The following RYR2 variants were observed in gnomAD, a reference collection of about 807,000 sequenced individuals.
RYR2 encodes the protein cardiac muscle ryanodine receptor-calcium release channel.
In RYR2, 227 loss-of-function variants were observed where a neutral mutation model predicts 601.1. The ratio of observed to expected loss-of-function variants is 0.38; its 90% confidence interval spans 0.34 to 0.42. The LOEUF is 0.42. Ranked by LOEUF, RYR2 falls within the 10% of genes least tolerant of loss-of-function variation. RYR2 has a pLI of 1.00. For synonymous variants in RYR2, 2,223 were observed against 2,175.1 expected (o/e 1.02, Z -0.61); for missense variants, 4,646 against 6,156.5 (o/e 0.75, Z 8.21).
intron 17 of RYR2, among the ~76,000 whole-genome samples, chr1:237,472,693 A>G (rs956534291): frequency 2.0e-5 from 3 of 151,960 alleles, no homozygotes; most frequent in African/African-American, 7.2e-5. Context: ...TAAAAAAAAA[A>G]AAGTGAAGAT....
At chr1:237,396,601 A>G (rs1271696781) in intron 10 of RYR2, among the ~76,000 whole-genome samples, 2 of 152,186 alleles carry the variant, frequency 1.3e-5, no homozygotes, top group African/African-American at 4.8e-5. Context: ...CTTGGCAGAA[A>G]GCTCAAGTTT....
chr1:237,158,560 T>C (rs1006307687), intron 1 of RYR2, among the ~76,000 whole-genome samples: 3 of 152,244 alleles, frequency 2.0e-5, no homozygotes, highest in Admixed American at 2.0e-4. Context: ...TTTTCTCTCC[T>C]GTTTTCTTCT....
chr1:237,348,290 G>A (rs185101197), intron 3 of RYR2, among the ~76,000 whole-genome samples: 86 of 152,242 alleles, frequency 5.6e-4, no homozygotes, highest in African/African-American at 1.9e-3. Context: ...TCTGTTATTA[G>A]CCTTTGGGAA....
chr1:237,763,921 C>T (rs1363494361), intron 84 of RYR2, among the ~76,000 whole-genome samples: 1 of 152,184 alleles, frequency 6.6e-6, no homozygotes, highest in Admixed American at 6.5e-5. Context: ...AAAAATCAAT[C>T]ATCCCTCTTG....
chr1:237,042,648 AGCGGGCAGCGGGGACTCGCGG>A (rs1486413942), intron 1 of RYR2, 79 bp downstream of exon 1: 2 of 1,218,512 alleles, frequency 1.6e-6, no homozygotes, highest in African/African-American at 3.1e-5. Flanking sequence ...GCAGAGTGAC[AGCGGGCAGCGGGGACTCGCGG>A]GCGGGGCGAG....
intron 3 of RYR2, among the ~76,000 whole-genome samples, 169 bp from the exon 4 acceptor site, chr1:237,355,796 G>C (rs955254623): frequency 1.3e-5 from 2 of 152,088 alleles, no homozygotes; most frequent in South Asian, 4.1e-4. Context: ...TGTTTGGTGA[G>C]ATTAAATGTT....
intron 2 of RYR2, among the ~76,000 whole-genome samples, chr1:237,297,507 C>T (rs1434038734): frequency 1.3e-5 from 2 of 152,074 alleles, no homozygotes; most frequent in Non-Finnish European, 2.9e-5. Flanking sequence ...AACTCAGGAA[C>T]AATAGCTATT....
intron 54 of RYR2, among the ~76,000 whole-genome samples, chr1:237,659,042 A>G (rs1473334490): frequency 2.0e-5 from 3 of 152,212 alleles, no homozygotes; most frequent in African/African-American, 7.2e-5. Flanking sequence ...GAGATAGTTC[A>G]AGAACTAAAA....
chr1:237,337,676 A>G (rs995840515), intron 3 of RYR2, among the ~76,000 whole-genome samples: 1 of 152,226 alleles, frequency 6.6e-6, no homozygotes, highest in Non-Finnish European at 1.5e-5. Context: ...GTATGCTGTC[A>G]TCATTGTGAT....
At chr1:237,785,908 C>G in intron 90 of RYR2, 61 bp from the exon 91 acceptor site, 1 of 1,172,540 alleles carries the variant, frequency 8.5e-7, no homozygotes, top group Admixed American at 1.9e-5. Context: ...ACATGGCTCC[C>G]TCAATTCATT....
intron 1 of RYR2, among the ~76,000 whole-genome samples, chr1:237,173,253 G>A (rs1677627352): frequency 6.6e-6 from 1 of 152,066 alleles, no homozygotes; most frequent in Admixed American, 6.6e-5. Flanking sequence ...CAAGAACCCA[G>A]TAGTTGTGTG....
At chr1:237,788,170 T>C (rs139871910) in intron 92 of RYR2, 35 bp downstream of exon 92, 239 of 1,539,298 alleles carry the variant, frequency 1.6e-4, no homozygotes, top group Admixed American at 2.1e-4. Flanking sequence ...GTTACTGATA[T>C]AGTGCAATAC....
chr1:237,591,590 C>A (rs757472666), intron 31 of RYR2, 149 bp from the exon 32 acceptor site: 3 of 652,038 alleles, frequency 4.6e-6, no homozygotes, highest in African/African-American at 1.8e-5. Flanking sequence ...ACTGTGAGAA[C>A]CAAAAACATG....
intron 1 of RYR2, among the ~76,000 whole-genome samples, chr1:237,044,185 GTT>G (rs4006365): frequency 0.79 from 118,281 of 150,444 alleles, 46,882 homozygotes; most frequent in Non-Finnish European, 0.83. Flanking sequence ...GACTATAAGG[GTT>G]TTTTTTTTTT....
At chr1:237,332,959 G>C (rs893704372) in intron 3 of RYR2, among the ~76,000 whole-genome samples, 63 of 152,126 alleles carry the variant, frequency 4.1e-4, no homozygotes, top group African/African-American at 1.5e-3. Context: ...TAGGATTACA[G>C]ATGCATGCCA....
At chr1:237,515,923 CTCTTCTCCT>C (rs954024642) in intron 24 of RYR2, among the ~76,000 whole-genome samples, 7 of 138,338 alleles carry the variant, frequency 5.1e-5, no homozygotes, top group Admixed American at 3.7e-4. Context: ...CTCCCTCTCC[CTCTTCTCCT>C]TCTTCCTCTT....
Position 237,649,761 on chromosome 1 carries a change from T to C in RYR2, c.7513-116T>C. The C allele has an allele frequency of 8.9e-6, 7 of 789,394 alleles. No homozygotes were observed. In the South Asian group the frequency reaches 1.1e-4, roughly 13 times the overall value. The allele number at this position is 789,394 out of a possible 1,614,324, so 48.9% of individuals were successfully genotyped here. ...GATGTAACTAAAGAATACATTTCCA[T>C]GTGTCATAGTGCTATCATCTTCCGG... On this transcript the variant is annotated intron_variant, in intron 49 of 104. Coordinates refer to ENST00000366574, the MANE Select transcript of RYR2 (RefSeq NM_001035.3).
At chr1:237,086,959 A>C (rs368568777) in intron 1 of RYR2, among the ~76,000 whole-genome samples, 3 of 152,318 alleles carry the variant, frequency 2.0e-5, no homozygotes, top group East Asian at 1.9e-4. Context: ...ATATGTCTGC[A>C]GCTCTCGGAT....
At position 237,731,973 on chromosome 1, in the gene RYR2, CT is replaced by C. The variant is rs888863068; in HGVS notation, c.10936-71del. ...ATTCCTTTTATTCTTCATTGCTGTC[CT>C]TCACAGTGCTTTTGGATTTGAGTGA... is the stretch of plus-strand genomic sequence containing the variant. On this transcript the variant is annotated intron_variant, in intron 77 of 104. Transcript: ENST00000366574. 4.5e-6 allele frequency: 4 copies of C among 892,362 alleles called. No individual in the cohort carries two copies. In the African/African-American group the frequency reaches 5.0e-5, roughly 11 times the overall value. The allele number at this position is 892,362 out of a possible 1,614,324, so 55.3% of individuals were successfully genotyped here.
Sources: allele counts gnomAD v4.1 joint callset (sites outside exome capture counted in the v4.1 genomes callset), GRCh38; gene constraint gnomAD v4.1.1; transcripts MANE v1.5; gene names NCBI Gene and HGNC (gene_info 2026-07-23, HGNC 2026-07-21).